Variants in SLC2A9 observed in about 807,000 individuals in gnomAD.
SLC2A9 encodes the protein solute carrier family 2 member 9.
A neutral mutation model predicts 50.6 loss-of-function variants in SLC2A9; 39 were observed. The ratio of observed to expected loss-of-function variants is 0.77; its 90% CI spans 0.60 to 1.01. The LOEUF is 1.01. Among genes scored for constraint, SLC2A9 ranks in the 50% least tolerant of loss-of-function variants. The probability of loss-of-function intolerance (pLI) is 0.00; values close to 1 mark genes in which losing one functional copy is unlikely to be tolerated. For synonymous variants in SLC2A9, 324 were observed against 276.9 expected (o/e 1.17, Z -1.69); for missense variants, 686 against 677.6 (o/e 1.01, Z -0.14).
intron 3 of SLC2A9, among the ~76,000 whole-genome samples, chr4:9,818,589 C>G (rs1723958849): frequency 1.3e-5 from 2 of 152,200 alleles, no homozygotes; most frequent in African/African-American, 4.8e-5. Flanking sequence ...GGGGTTTTCA[C>G]TAAACTGGCT....
Position 9,887,563 on chromosome 4 carries a change from T to G in SLC2A9, c.1291+4A>C. 1.9e-6 allele frequency: 3 copies of G among 1,558,188 alleles called. No individual in the cohort carries two copies. The highest frequency in any genetic ancestry group is 2.6e-6 in the Non-Finnish European group (3 of 1,151,952). ...GGGGCAGTGGGGAGGGTGGGGTGCC[T>G]TACCTGGCCCACTGCAGAAAGAGGC... On this transcript the variant is annotated splice_donor_region_variant and intron_variant, in intron 10 of 11. Coordinates refer to ENST00000264784, the MANE Select transcript of SLC2A9 (RefSeq NM_020041.3).
chr4:9,956,513 A>G (rs1327014963), intron 5 of SLC2A9, among the ~76,000 whole-genome samples: 2 of 151,984 alleles, frequency 1.3e-5, no homozygotes, highest in Non-Finnish European at 2.9e-5. Context: ...AAAAAAAAGT[A>G]TCTTCGGCCA....
At chr4:9,800,184 G>A (rs887116163) in intron 3 of SLC2A9, among the ~76,000 whole-genome samples, 40 of 152,210 alleles carry the variant, frequency 2.6e-4, no homozygotes, top group African/African-American at 9.4e-4. Flanking sequence ...AGCAGCTTGA[G>A]TGAAGCTTGA....
intron 3 of SLC2A9, among the ~76,000 whole-genome samples, chr4:9,786,273 G>A (rs1719205471): frequency 6.6e-6 from 1 of 152,154 alleles, no homozygotes; most frequent in African/African-American, 2.4e-5. Context: ...TGAAGGCATT[G>A]GCAGGCTAAA....
intron 8 of SLC2A9, among the ~76,000 whole-genome samples, chr4:9,906,679 C>G (rs1302460896): frequency 6.6e-6 from 1 of 152,202 alleles, no homozygotes; most frequent in Admixed American, 6.5e-5. Flanking sequence ...CCCTAATGAG[C>G]TGGTATTGAT....
chr4:9,833,164 T>TA (rs1726452903), intron 11 of SLC2A9, among the ~76,000 whole-genome samples: 1 of 152,198 alleles, frequency 6.6e-6, no homozygotes. Flanking sequence ...ATTGAAAAGA[T>TA]ACTTGTTATG....
At chr4:10,030,561 C>T (rs1014594708) in intron 1 of SLC2A9, among the ~76,000 whole-genome samples, 1 of 151,962 alleles carries the variant, frequency 6.6e-6, no homozygotes, top group South Asian at 2.1e-4. Context: ...GGGTGATAGG[C>T]CATTCAAGTG....
chr4:9,826,163 T>A (rs1725095639), downstream of SLC2A9: 7 of 540,830 alleles, frequency 1.3e-5, no homozygotes, highest in South Asian at 2.2e-5. Flanking sequence ...GAGTGATTCC[T>A]TGCAGCTTCC....
chr4:9,931,191 C>G (rs1475914033), intron 6 of SLC2A9, among the ~76,000 whole-genome samples: 1 of 152,190 alleles, frequency 6.6e-6, no homozygotes, highest in Non-Finnish European at 1.5e-5. Context: ...CAAGCCCTAC[C>G]CCCTGAATGC....
intron 5 of SLC2A9, among the ~76,000 whole-genome samples, chr4:9,974,937 C>A (rs1754544067): frequency 6.6e-6 from 1 of 152,128 alleles, no homozygotes; most frequent in African/African-American, 2.4e-5. Flanking sequence ...ATGGAGAACA[C>A]AGAAGTAAAG....
At chr4:9,772,958 G>T (rs1287358787) in intron 1 of SLC2A9, among the ~76,000 whole-genome samples, 5 of 152,178 alleles carry the variant, frequency 3.3e-5, no homozygotes, top group African/African-American at 1.2e-4. Flanking sequence ...GGCAACTGAG[G>T]CTTAGAGAGG....
rs1444873235 is a variant in SLC2A9 at position 10,021,285 on chromosome 4, T to C, written c.145A>G (p.Arg49Gly). The stretch of plus-strand genomic sequence containing the variant: ...GAAAAGCTGTCCGTAGTTACCTTTC[T>C]TCTCCTTCCACCTGGCACCCCACTC... ...LRSGVPGGRR[R>G]KDWSCSLLVA... The change falls in exon 1 of 12, where the codon AGA becomes GGA. Residue 49 changes from arginine (R) to glycine (G), a missense_variant. Coordinates refer to ENST00000264784, the MANE Select transcript of SLC2A9 (RefSeq NM_020041.3). 1 of 1,613,468 alleles carries C rather than the reference T, an allele frequency of 6.2e-7. No individual in the cohort carries two copies. Among genetic ancestry groups the C allele is most frequent in the East Asian group, 2.2e-5 (1 of 44,886 alleles).
At chr4:9,870,356 G>T (rs897617695) in intron 10 of SLC2A9, among the ~76,000 whole-genome samples, 4 of 152,360 alleles carry the variant, frequency 2.6e-5, no homozygotes, top group Admixed American at 2.6e-4. Context: ...CCAAGTGACA[G>T]TGAAGAGGAA....
intron 3 of SLC2A9, among the ~76,000 whole-genome samples, chr4:9,807,626 C>T (rs1722300344): frequency 6.6e-6 from 1 of 152,160 alleles, no homozygotes; most frequent in South Asian, 2.1e-4. Context: ...GCTGAGAAGC[C>T]ACTTACTTGG....
intron 4 of SLC2A9, among the ~76,000 whole-genome samples, chr4:9,984,990 C>T (rs116285101): frequency 4.6e-4 from 70 of 152,286 alleles, no homozygotes; most frequent in Admixed American, 2.2e-3. Flanking sequence ...TGCCTCCTTC[C>T]GCCTCTGAGA....
In SLC2A9 at chr4:9,862,856, G is replaced by A. The variant is rs140342693; in HGVS notation, c.1291+24711C>T. 1.4e-3 allele frequency among the ~76,000 whole-genome samples: 209 copies of A among 152,108 alleles called. 3 individuals are homozygous for A. Among genetic ancestry groups the A allele is most frequent in the African/African-American group, 4.9e-3 (204 of 41,390 alleles). On this transcript the variant is annotated intron_variant, in intron 10 of 11. Transcript: ENST00000264784. ...GGCTCTATAAATATACATTTGTAGT[G>A]GCCTGTGTCATTCGCTGGGGTATCT... is the stretch of plus-strand genomic sequence containing the variant.
At chr4:9,775,525 G>T (rs1376416513), downstream of SLC2A9, among the ~76,000 whole-genome samples, 2 of 152,126 alleles carry the variant, frequency 1.3e-5, no homozygotes, top group Non-Finnish European at 2.9e-5. Context: ...GTTGGGGCCT[G>T]GTGGGAGTTG....
intron 3 of SLC2A9, among the ~76,000 whole-genome samples, chr4:9,808,558 G>A (rs571221704): frequency 2.5e-4 from 38 of 152,170 alleles, no homozygotes; most frequent in Non-Finnish European, 4.4e-4. Flanking sequence ...ACTGGGACCC[G>A]CCTTCTTCCA....
chr4:9,965,609 C>A (rs1276857003), intron 5 of SLC2A9, among the ~76,000 whole-genome samples: 1 of 152,172 alleles, frequency 6.6e-6, no homozygotes, highest in Non-Finnish European at 1.5e-5. Flanking sequence ...TAAAACAAAA[C>A]TGGTAATGAA....
Sources: allele counts gnomAD v4.1 joint callset (sites outside exome capture counted in the v4.1 genomes callset), GRCh38; gene constraint gnomAD v4.1.1; transcripts MANE v1.5; gene names NCBI Gene and HGNC (gene_info 2026-07-23, HGNC 2026-07-21).